The following TTC7A variants were observed in gnomAD, a reference collection of about 807,000 sequenced individuals.
TTC7A encodes the protein tetratricopeptide repeat protein 7A.
In TTC7A, 110 loss-of-function variants were observed where a neutral mutation model predicts 103.7. The observed-to-expected ratio is 1.06, with a 90% CI of 0.91 to 1.24. The LOEUF is 1.24. TTC7A is among the 50% of genes most tolerant of loss of function. TTC7A has a pLI of 0.00. For missense variants in TTC7A, 1,340 were observed against 1,116.3 expected, an observed-to-expected ratio of 1.20 and a Z score of -2.86; for synonymous variants, 521 against 467.9, an observed-to-expected ratio of 1.11 and a Z score of -1.47.
intron 19 of TTC7A, among the ~76,000 whole-genome samples, chr2:47,067,540 G>A (rs1684281435): frequency 6.6e-6 from 1 of 152,220 alleles, no homozygotes; most frequent in South Asian, 2.1e-4. Context: ...TTCTCCTACG[G>A]TTGGTTGGCT....
At chr2:46,956,730 A>G in intron 2 of TTC7A, 109 bp from the exon 3 acceptor site, 1 of 1,131,652 alleles carries the variant, frequency 8.8e-7, no homozygotes, top group Non-Finnish European at 1.3e-6. Flanking sequence ...CTGGAGGAGG[A>G]GGGGAGTTCT....
intron 2 of TTC7A, among the ~76,000 whole-genome samples, chr2:46,934,787 CT>C (rs1161003607): frequency 0.017 from 1,140 of 66,862 alleles, 166 homozygotes; most frequent in South Asian, 0.024. Flanking sequence ...GACTACTGCT[CT>C]TTTTTTTTTT....
chr2:46,946,027 C>T (rs1252671523), intron 1 of TTC7A, among the ~76,000 whole-genome samples: 1 of 152,200 alleles, frequency 6.6e-6, no homozygotes, highest in Non-Finnish European at 1.5e-5. Flanking sequence ...GTCATCCAAA[C>T]ATGGGGTCTT....
At chr2:47,003,498 A>C (rs1375190947) in intron 8 of TTC7A, among the ~76,000 whole-genome samples, 1 of 152,176 alleles carries the variant, frequency 6.6e-6, no homozygotes, top group African/African-American at 2.4e-5. Flanking sequence ...GAAGCCCGCC[A>C]GTTAGGCTGC....
intron 14 of TTC7A, among the ~76,000 whole-genome samples, chr2:47,028,108 A>C (rs1380548064): frequency 1.3e-5 from 2 of 151,928 alleles, no homozygotes; most frequent in African/African-American, 4.8e-5. Flanking sequence ...GACTCTTGGG[A>C]CCCATCCTGG....
At chr2:46,961,183 G>T (rs11125103) in intron 3 of TTC7A, among the ~76,000 whole-genome samples, 100,002 of 152,020 alleles carry the variant, frequency 0.66, 33,712 homozygotes, top group East Asian at 0.74. Flanking sequence ...GTTCCCAGCC[G>T]ATTCCAGGTG....
At position 46,941,424 on chromosome 2, in the gene TTC7A, C is replaced by G. The variant is rs1670362113; in HGVS notation, c.-118C>G. 1.8e-6 allele frequency: 2 copies of G among 1,117,302 alleles called. No homozygotes were observed. Among genetic ancestry groups the G allele is most frequent in the Non-Finnish European group, 2.3e-6 (2 of 883,212 alleles). The allele number at this position is 1,117,302 out of a possible 1,614,324, so 69.2% of individuals were successfully genotyped here. A position where few individuals can be genotyped will look rare whatever the true frequency, so the allele number is the denominator to read the frequency against. On this transcript the variant is annotated 5_prime_UTR_variant, in exon 1 of 20. Coordinates refer to ENST00000319190, the MANE Select transcript of TTC7A (RefSeq NM_020458.4). This position sits in a 1 kb window ranked among gnomAD's most constrained non-coding sequence, Gnocchi z 4.2. ...CCCGGGCCCCCGCTGCCGCCCGGGC[C>G]CCGGCTGCCGTCTGCGCCCCCGTCG...
chr2:47,065,346 G>A (rs746642308), intron 19 of TTC7A, among the ~76,000 whole-genome samples: 4 of 152,230 alleles, frequency 2.6e-5, no homozygotes, highest in Non-Finnish European at 5.9e-5. Flanking sequence ...TCAACCAAGA[G>A]CATACAATTT....
intron 18 of TTC7A, among the ~76,000 whole-genome samples, chr2:47,056,304 G>A (rs1558636192): frequency 2.6e-5 from 4 of 152,214 alleles, no homozygotes; most frequent in Admixed American, 2.6e-4. Flanking sequence ...CCCCACTGAG[G>A]GTCAAGGCTA....
At chr2:46,969,042 C>G (rs1221171607) in intron 3 of TTC7A, among the ~76,000 whole-genome samples, 1 of 151,730 alleles carries the variant, frequency 6.6e-6, no homozygotes, top group Non-Finnish European at 1.5e-5. Flanking sequence ...GCTGGGATTA[C>G]AGACGTGGGC....
chr2:46,917,588 C>G (rs1056947056), intron 2 of TTC7A, among the ~76,000 whole-genome samples: 3 of 152,250 alleles, frequency 2.0e-5, no homozygotes, highest in African/African-American at 7.2e-5. Context: ...TGTCCTCATT[C>G]TAGCCAGTGC....
intron 3 of TTC7A, among the ~76,000 whole-genome samples, chr2:46,973,291 C>A (rs1321941925): frequency 6.6e-6 from 1 of 152,168 alleles, no homozygotes; most frequent in Admixed American, 6.5e-5. Context: ...ATCTGGCTGG[C>A]TTTTGCAGCA....
intron 1 of TTC7A, among the ~76,000 whole-genome samples, chr2:46,948,083 G>A (rs1479574151): frequency 6.6e-6 from 1 of 152,362 alleles, no homozygotes; most frequent in African/African-American, 2.4e-5. Context: ...GAGTGCACGG[G>A]ATGGCCACTG....
At chr2:46,932,412 G>C (rs1432518932) in intron 2 of TTC7A, among the ~76,000 whole-genome samples, 1 of 152,132 alleles carries the variant, frequency 6.6e-6, no homozygotes, top group Admixed American at 6.5e-5. Flanking sequence ...GCCTCCCAAA[G>C]TGCTGGGATT....
intron 15 of TTC7A, chr2:47,040,535 TC>T (rs1300806044): frequency 1.7e-4 from 26 of 152,290 alleles, no homozygotes; most frequent in Non-Finnish European, 3.2e-4. Context: ...TTTATGCATC[TC>T]CTTCCATCGT....
rs746446859 is a variant in TTC7A, at chr2:47,073,820, C to A, written c.2474C>A (p.Ala825Asp). 9.9e-6 allele frequency: 16 copies of A among 1,613,702 alleles called. No homozygotes were observed. In the South Asian group the frequency reaches 1.5e-4, roughly 16 times the overall value. The change falls in exon 20 of 20, where the codon GCC becomes GAC. Residue 825 changes from alanine (A) to aspartate (D), a missense_variant. Physicochemically the swap from Ala to Asp is moderately radical, Grantham distance 126 (BLOSUM62 -2). Transcript: ENST00000319190. ...CAGGGCCTGGGCGAGGTGCTGCAGGCCCAGGGCCAGAACGAGGCTGCCGTT... is the reference window on the plus strand; with the variant it reads ...CAGGGCCTGGGCGAGGTGCTGCAGGACCAGGGCCAGAACGAGGCTGCCGTT... Reference protein sequence around the residue: ...AWQGLGEVLQAQGQNEAAVDC... With the variant: ...AWQGLGEVLQDQGQNEAAVDC...
In TTC7A at chr2:47,046,322, T is replaced by A; in HGVS notation, c.1810T>A (p.Phe604Ile). The A allele has an allele frequency of 6.2e-7, 1 of 1,613,890 alleles. No individual in the cohort carries two copies. The highest frequency in any genetic ancestry group is 8.5e-7 in the Non-Finnish European group (1 of 1,179,918). Residue 604 changes from phenylalanine to isoleucine, a missense_variant, in exon 16 of 20, where the codon TTC becomes ATC. By Grantham distance (21) the Phe-to-Ile change is conservative. Coordinates refer to ENST00000319190, the MANE Select transcript of TTC7A (RefSeq NM_020458.4). Reference sequence around the variant, plus strand: ...CACTCTCCGTCCCCACAGCCTGATGTTCACCAAGGTGAAGCTGGAGCAGGT... The same window carrying A: ...CACTCTCCGTCCCCACAGCCTGATGATCACCAAGGTGAAGCTGGAGCAGGT... ...TEHPENFNLM[F>I]TKVKLEQVLK...
At chr2:47,019,354 G>A (rs1679028234) in intron 11 of TTC7A, among the ~76,000 whole-genome samples, 1 of 151,764 alleles carries the variant, frequency 6.6e-6, no homozygotes, top group Non-Finnish European at 1.5e-5. Flanking sequence ...GCAACATAGT[G>A]AGACACCATT....
At chr2:46,967,796 C>G (rs1672988620) in intron 3 of TTC7A, among the ~76,000 whole-genome samples, 1 of 152,108 alleles carries the variant, frequency 6.6e-6, no homozygotes, top group South Asian at 2.1e-4. Context: ...ATTGCTGGAT[C>G]ATATGGTAAT....
Sources: allele counts gnomAD v4.1 joint callset (sites outside exome capture counted in the v4.1 genomes callset), GRCh38; gene constraint gnomAD v4.1.1; non-coding constraint Gnocchi (gnomAD v3.1); transcripts MANE v1.5; gene names NCBI Gene and HGNC (gene_info 2026-07-23, HGNC 2026-07-21).